The following PXDN variants were observed in gnomAD, a reference collection of about 807,000 sequenced individuals.
PXDN encodes the protein peroxidasin.
Under a neutral mutation model 140.3 loss-of-function variants are expected in PXDN, and 77 were observed. The observed-to-expected ratio is 0.55, with a 90% CI of 0.46 to 0.66. PXDN has a LOEUF of 0.66. PXDN is among the 30% of genes least tolerant of loss of function. PXDN has a pLI of 0.00. For synonymous variants in PXDN, 911 were observed against 857.4 expected, an observed-to-expected ratio of 1.06 and a Z score of -1.09; for missense variants, 1,838 against 2,039.5, an observed-to-expected ratio of 0.90 and a Z score of 1.90.
intron 12 of PXDN, among the ~76,000 whole-genome samples, chr2:1,662,800 G>T (rs1683336894): frequency 6.6e-6 from 1 of 152,190 alleles, no homozygotes; most frequent in Non-Finnish European, 1.5e-5. Flanking sequence ...ACAGGCAGAG[G>T]GGAGCCCCTT....
rs78204528 is a variant in PXDN at position 1,676,347 on chromosome 2, C to T, written c.848+580G>A. 748 of 153,418 alleles carry T rather than the reference C, an allele frequency of 4.9e-3. 24 individuals carry two copies. The East Asian group carries it at 0.092, about 19-fold the overall frequency. The allele number at this position is 153,418 out of a possible 1,614,324, so 9.5% of individuals were successfully genotyped here. A position where few individuals can be genotyped will look rare whatever the true frequency, so the allele number is the denominator to read the frequency against. On this transcript the variant is annotated intron_variant, in intron 8 of 22. Transcript: ENST00000252804. ...GACTTCCCTCCGTCACCCTGACAGCCGCAGCCAGGGCCGTCTTAGCCTTAA... is the reference window on the plus strand; with the variant it reads ...GACTTCCCTCCGTCACCCTGACAGCTGCAGCCAGGGCCGTCTTAGCCTTAA...
chr2:1,731,724 C>A (rs533845565), intron 1 of PXDN, among the ~76,000 whole-genome samples: 1 of 152,320 alleles, frequency 6.6e-6, no homozygotes, highest in Non-Finnish European at 1.5e-5. Context: ...TATCCCAAGG[C>A]TTAGAGCTGA....
At chr2:1,725,688 G>T (rs918490335) in intron 1 of PXDN, among the ~76,000 whole-genome samples, 8 of 152,004 alleles carry the variant, frequency 5.3e-5, no homozygotes, top group African/African-American at 1.9e-4. Flanking sequence ...TCTGACAAAG[G>T]GCTAATATCC....
At chr2:1,647,882 T>C (rs1438093871) in intron 17 of PXDN, among the ~76,000 whole-genome samples, 1 of 152,172 alleles carries the variant, frequency 6.6e-6, no homozygotes, top group Non-Finnish European at 1.5e-5. Flanking sequence ...ATAGCTCATC[T>C]CTAAGCTGAA....
Position 1,725,680 on chromosome 2 carries a change from T to C in PXDN, c.200+18576A>G, listed in dbSNP as rs185335358. On this transcript the variant is annotated intron_variant, in intron 1 of 22. Transcript: ENST00000252804. ...AGAAAATTTTCGCGACCTACTCTTC[T>C]GACAAAGGGCTAATATCCAGAATCT... is the stretch of plus-strand genomic sequence containing the variant. Among the ~76,000 whole-genome samples the C allele has an allele frequency of 3.2e-3, 480 of 152,306 alleles. 3 individuals are homozygous for C. Among genetic ancestry groups the C allele is most frequent in the African/African-American group, 0.011 (450 of 41,550 alleles).
At chr2:1,680,017 GTATGCGTGTA>G (rs1683850038) in intron 7 of PXDN, among the ~76,000 whole-genome samples, 166 bp downstream of exon 7, 1 of 150,716 alleles carries the variant, frequency 6.6e-6, no homozygotes, top group Non-Finnish European at 1.5e-5. Flanking sequence ...TGTGGATGGT[GTATGCGTGTA>G]TGTGCGTGTG....
chr2:1,633,460 A>C lies in PXDN; in HGVS notation c.*744T>G, dbSNP rs539521682. 6 of 152,048 alleles carry C rather than the reference A, an allele frequency of 3.9e-5. No individual in the cohort carries two copies. The highest frequency in any genetic ancestry group is 8.8e-5 in the Non-Finnish European group (6 of 68,032). 9.4% of individuals were successfully genotyped at this position (152,048 alleles called of 1,614,324 possible). ...TCTAAATGTGGCTTATGAATGTTCT[A>C]ATCAGGTGTGGAAGGAGCTGACACA... On this transcript the variant is annotated 3_prime_UTR_variant, in exon 23 of 23. Transcript: ENST00000252804.
chr2:1,679,732 G>C (rs2125440318), intron 7 of PXDN, among the ~76,000 whole-genome samples: 1 of 145,628 alleles, frequency 6.9e-6, no homozygotes, highest in East Asian at 2.1e-4. Flanking sequence ...TGTGTGTGTG[G>C]ATGGTGTGTG....
At chr2:1,672,773 C>A (rs867505060) in intron 9 of PXDN, among the ~76,000 whole-genome samples, 2 of 152,144 alleles carry the variant, frequency 1.3e-5, no homozygotes, top group Admixed American at 6.5e-5. Context: ...ACTTACATTG[C>A]CAAACAAAAG....
rs192733603 is a variant in PXDN, at chr2:1,650,244, C to T, written c.2105-569G>A. Among the ~76,000 whole-genome samples the T allele has an allele frequency of 2.0e-5, 3 of 152,320 alleles. No individual in the cohort carries two copies. The East Asian group carries it at 5.8e-4, about 29-fold the overall frequency. On this transcript the variant is annotated intron_variant, in intron 16 of 22. Coordinates refer to ENST00000252804, the MANE Select transcript of PXDN (RefSeq NM_012293.3). Reference sequence around the variant, plus strand: ...AAATGTTCCTAGCCGCCGCGCCCTCCTCTCCATTTCTCTGGCAGAATCCTG... The same window carrying T: ...AAATGTTCCTAGCCGCCGCGCCCTCTTCTCCATTTCTCTGGCAGAATCCTG...
At chr2:1,716,688 C>A (rs1239886717) in intron 1 of PXDN, among the ~76,000 whole-genome samples, 1 of 152,082 alleles carries the variant, frequency 6.6e-6, no homozygotes, top group Non-Finnish European at 1.5e-5. Context: ...CGTGGTGGGG[C>A]CCACAGTGAG....
At chr2:1,680,140 T>C in intron 7 of PXDN, 53 bp downstream of exon 7, 1 of 1,492,438 alleles carries the variant, frequency 6.7e-7, no homozygotes, top group Non-Finnish European at 9.0e-7. Flanking sequence ...GTGGATGGTG[T>C]GTGTGTAGAT....
intron 1 of PXDN, among the ~76,000 whole-genome samples, chr2:1,743,123 G>A (rs2125499391): frequency 6.6e-6 from 1 of 152,346 alleles, no homozygotes; most frequent in Middle Eastern, 3.4e-3. Flanking sequence ...ACTCGCTTCA[G>A]AACACAGGAG....
At position 1,639,321 on chromosome 2, in the gene PXDN, T is replaced by G; in HGVS notation, c.4054A>C (p.Arg1352=). The G allele has an allele frequency of 2.5e-6, 4 of 1,613,814 alleles. No individual in the cohort carries two copies. The highest frequency in any genetic ancestry group is 3.4e-6 in the Non-Finnish European group (4 of 1,179,800). The change falls in exon 20 of 23, where the codon AGA becomes CGA. Residue 1352 remains arginine, a synonymous_variant. Transcript: ENST00000252804. This position sits in a 1 kb window ranked among gnomAD's most constrained non-coding sequence, Gnocchi z 5.0. ...YQEDKPTKKT[R]PRKIPSVGRQ... ...CCATACCTGGGTATTTTCCGTGGTCTTGTTTTCTTGGTCGGCTTGTCCTCC... is the reference window on the plus strand; with the variant it reads ...CCATACCTGGGTATTTTCCGTGGTCGTGTTTTCTTGGTCGGCTTGTCCTCC...
rs776843639 is a variant in PXDN, at chr2:1,666,367, G to A, written c.1138C>T (p.Arg380Cys). Residue 380 changes from arginine to cysteine, a missense_variant, in exon 10 of 23, where the codon CGC (arginine) becomes TGC (cysteine). By Grantham distance (180) the Arg-to-Cys change is radical. Coordinates refer to ENST00000252804, the MANE Select transcript of PXDN (RefSeq NM_012293.3). Reference protein sequence around the residue: ...PPRISWTRGDRTPLPVDPRVN... With the variant: ...PPRISWTRGDCTPLPVDPRVN... ...CGCGGGTCAACTGGCAAGGGTGTGCGGTCACCTCTCGTCCAGGAGATCCGC... is the reference window on the plus strand; with the variant it reads ...CGCGGGTCAACTGGCAAGGGTGTGCAGTCACCTCTCGTCCAGGAGATCCGC... The A allele has an allele frequency of 2.1e-5, 34 of 1,613,886 alleles. No homozygotes were observed. The East Asian group carries it at 4.0e-4, about 19-fold the overall frequency.
chr2:1,644,451 A>G (rs1682804383), intron 18 of PXDN, among the ~76,000 whole-genome samples, 167 bp downstream of exon 18: 1 of 152,198 alleles, frequency 6.6e-6, no homozygotes, highest in Non-Finnish European at 1.5e-5. Flanking sequence ...AAGGCGGTGC[A>G]CAGAAGATAC....
At chr2:1,738,580 G>C (rs549638767) in intron 1 of PXDN, among the ~76,000 whole-genome samples, 5 of 148,574 alleles carry the variant, frequency 3.4e-5, no homozygotes, top group Non-Finnish European at 7.4e-5. Context: ...ACTAGGTCTC[G>C]CTCTGTCACC....
At chr2:1,650,033 A>C (rs555462068) in intron 16 of PXDN, among the ~76,000 whole-genome samples, 1 of 151,820 alleles carries the variant, frequency 6.6e-6, no homozygotes, top group South Asian at 2.1e-4. Flanking sequence ...CACTGTTCCA[A>C]CCTCACTTTA....
At chr2:1,646,406 T>C (rs1026874189) in intron 17 of PXDN, among the ~76,000 whole-genome samples, 6 of 152,278 alleles carry the variant, frequency 3.9e-5, no homozygotes, top group East Asian at 1.9e-4. Flanking sequence ...CTGTGTCAGT[T>C]TGGACAAGAA....
Sources: allele counts gnomAD v4.1 joint callset (sites outside exome capture counted in the v4.1 genomes callset), GRCh38; gene constraint gnomAD v4.1.1; non-coding constraint Gnocchi (gnomAD v3.1); transcripts MANE v1.5; gene names NCBI Gene and HGNC (gene_info 2026-07-23, HGNC 2026-07-21).